Variants in CERKL observed in about 807,000 individuals in gnomAD.
The protein encoded by CERKL is CERK like autophagy regulator.
CERKL carries 61 observed loss-of-function variants against 63.4 expected under a neutral mutation model. The ratio of observed to expected loss-of-function variants is 0.96; its 90% CI spans 0.78 to 1.19. The LOEUF (loss-of-function observed/expected upper bound fraction) is 1.19. CERKL is among the 50% of genes most tolerant of loss of function. The probability of loss-of-function intolerance (pLI) is 0.00; values close to 1 mark genes in which losing one functional copy is unlikely to be tolerated. For missense variants in CERKL, 675 were observed against 655.5 expected, an observed-to-expected ratio of 1.03 and a Z score of -0.33; for synonymous variants, 250 against 230.5, an observed-to-expected ratio of 1.08 and a Z score of -0.77.
intron 11 of CERKL, among the ~76,000 whole-genome samples, chr2:181,542,892 A>G (rs1687572907): frequency 6.7e-6 from 1 of 149,234 alleles, no homozygotes; most frequent in East Asian, 1.9e-4. Context: ...GAAGAAAGGT[A>G]TATTGATTTA....
At chr2:181,605,158 G>A (rs576667137) in intron 1 of CERKL, among the ~76,000 whole-genome samples, 3 of 152,180 alleles carry the variant, frequency 2.0e-5, no homozygotes, top group East Asian at 1.9e-4. Flanking sequence ...TGGACCCTAC[G>A]ACCGCCCCAA....
chr2:181,634,878 T>G (rs577514164), intron 1 of CERKL, among the ~76,000 whole-genome samples: 1 of 152,152 alleles, frequency 6.6e-6, no homozygotes, highest in African/African-American at 2.4e-5. Flanking sequence ...TCACCTTCAA[T>G]AGCAGAAGGC....
chr2:181,601,038 A>C (rs896407939), intron 2 of CERKL, among the ~76,000 whole-genome samples: 1 of 152,242 alleles, frequency 6.6e-6, no homozygotes. Context: ...TTAGAAATGA[A>C]GAACAAGAGG....
intron 2 of CERKL, among the ~76,000 whole-genome samples, chr2:181,596,206 A>G (rs541298876): frequency 1.3e-5 from 2 of 152,364 alleles, no homozygotes; most frequent in East Asian, 3.8e-4. Flanking sequence ...GATGACAATG[A>G]ATATACTTCT....
In CERKL at chr2:181,537,611, T is replaced by C. The variant is rs188892870; in HGVS notation, c.*573A>G. On this transcript the variant is annotated 3_prime_UTR_variant, in exon 13 of 13. Transcript: ENST00000410087. The stretch of plus-strand genomic sequence containing the variant: ...TATATTTGTAACAGAATATAGGAAA[T>C]TTAACATAATTGATGAGCTCAAATC... 1.2e-3 allele frequency: 519 copies of C among 430,540 alleles called. 4 individuals carry two copies. The highest frequency in any genetic ancestry group is 9.6e-3 in the African/African-American group (465 of 48,610). 26.7% of individuals were successfully genotyped at this position (430,540 alleles called of 1,614,324 possible). A position where few individuals can be genotyped will look rare whatever the true frequency, so the allele number is the denominator to read the frequency against.
At chr2:181,569,267 G>T (rs1303227655) in intron 3 of CERKL, among the ~76,000 whole-genome samples, 1 of 152,106 alleles carries the variant, frequency 6.6e-6, no homozygotes, top group Non-Finnish European at 1.5e-5. Flanking sequence ...TTTCTCTCTA[G>T]CTAGATATGA....
chr2:181,583,267 A>G (rs934499851), intron 2 of CERKL, among the ~76,000 whole-genome samples: 4 of 152,158 alleles, frequency 2.6e-5, no homozygotes, highest in Non-Finnish European at 5.9e-5. Context: ...TAGGTGAAAT[A>G]TTTATTGAAA....
chr2:181,620,680 C>G (rs1002711309), intron 1 of CERKL, among the ~76,000 whole-genome samples: 1 of 152,146 alleles, frequency 6.6e-6, no homozygotes, highest in Admixed American at 6.5e-5. Flanking sequence ...ATTCACCTAA[C>G]AGCCTCTAGG....
chr2:181,569,174 T>C (rs1445602145), intron 3 of CERKL, among the ~76,000 whole-genome samples: 1 of 152,308 alleles, frequency 6.6e-6, no homozygotes, highest in East Asian at 1.9e-4. Flanking sequence ...CTAACTCACA[T>C]CTGAATGCTG....
intron 1 of CERKL, among the ~76,000 whole-genome samples, chr2:181,608,647 T>C (rs1397922733): frequency 6.6e-6 from 1 of 152,028 alleles, no homozygotes; most frequent in Non-Finnish European, 1.5e-5. Flanking sequence ...CTTACTGAAA[T>C]CCAGAAGGAT....
chr2:181,537,861 C>CACACAGCAGG lies in CERKL; in HGVS notation c.*313_*322dup. 3.8e-6 allele frequency: 2 copies of CACACAGCAGG among 519,934 alleles called. No homozygotes were observed. The highest frequency in any genetic ancestry group is 7.4e-6 in the Non-Finnish European group (2 of 270,146). 32.2% of individuals were successfully genotyped at this position (519,934 alleles called of 1,614,324 possible). On this transcript the variant is annotated 3_prime_UTR_variant, in exon 13 of 13. Coordinates refer to ENST00000410087, the MANE Select transcript of CERKL (RefSeq NM_201548.5). ...ATTTCTATTAGGATATCCGTTTGGC[C>CACACAGCAGG]ACACAGCAGGAGGTTAGAGCAATGG...
intron 1 of CERKL, among the ~76,000 whole-genome samples, chr2:181,640,084 A>G (rs1349994998): frequency 2.0e-5 from 3 of 152,154 alleles, no homozygotes; most frequent in Non-Finnish European, 2.9e-5. Context: ...ACGCTCACCA[A>G]TGGTAACTAT....
intron 1 of CERKL, 64 bp from the exon 2 acceptor site, chr2:181,604,143 T>C: frequency 7.4e-7 from 1 of 1,354,434 alleles, no homozygotes; most frequent in South Asian, 1.2e-5. Flanking sequence ...CAACAGACAC[T>C]GGGGCTTACC....
Position 181,544,634 on chromosome 2 carries a change from C to A in CERKL, c.1365+66G>T, listed in dbSNP as rs915370763. Reference sequence around the variant, plus strand: ...TATGAGGCAGGATTCGATGTCAATTCTTGCAGCATCTTTTTCTACATGATT... The same window carrying A: ...TATGAGGCAGGATTCGATGTCAATTATTGCAGCATCTTTTTCTACATGATT... On this transcript the variant is annotated intron_variant, in intron 11 of 12. Transcript: ENST00000410087. 7 of 901,268 alleles carry A rather than the reference C, an allele frequency of 7.8e-6. No homozygotes were observed. The Admixed American group carries it at 1.3e-4, about 16-fold the overall frequency. 55.8% of individuals were successfully genotyped at this position (901,268 alleles called of 1,614,324 possible).
At chr2:181,557,946 C>A (rs1688281065) in intron 5 of CERKL, among the ~76,000 whole-genome samples, 1 of 152,148 alleles carries the variant, frequency 6.6e-6, no homozygotes, top group African/African-American at 2.4e-5. Flanking sequence ...ATAAAGTCTT[C>A]TTTACATGCA....
intron 1 of CERKL, among the ~76,000 whole-genome samples, chr2:181,638,996 G>A (rs1336861347): frequency 1.3e-5 from 2 of 152,136 alleles, no homozygotes; most frequent in African/African-American, 4.8e-5. Flanking sequence ...GAAAAAAAAG[G>A]AAGAAGAATC....
chr2:181,616,170 G>A (rs1003033104), intron 1 of CERKL, among the ~76,000 whole-genome samples: 2 of 147,686 alleles, frequency 1.4e-5, no homozygotes, highest in Non-Finnish European at 3.0e-5. Context: ...TTCATGTGAA[G>A]TCTAAGATGA....
intron 3 of CERKL, among the ~76,000 whole-genome samples, chr2:181,569,587 T>C (rs1688812689): frequency 6.6e-6 from 1 of 152,164 alleles, no homozygotes; most frequent in Non-Finnish European, 1.5e-5. Context: ...GGTAAAATTA[T>C]CTGGTGACTA....
intron 10 of CERKL, 36 bp downstream of exon 10, chr2:181,547,581 GA>G: frequency 6.4e-7 from 1 of 1,564,124 alleles, no homozygotes; most frequent in Non-Finnish European, 8.8e-7. Flanking sequence ...TGGTCTATAA[GA>G]AATGTATCAA....
Sources: allele counts gnomAD v4.1 joint callset (sites outside exome capture counted in the v4.1 genomes callset), GRCh38; gene constraint gnomAD v4.1.1; transcripts MANE v1.5; gene names NCBI Gene and HGNC (gene_info 2026-07-23, HGNC 2026-07-21).